PLCB1: variants seen among roughly 807,000 people sequenced by gnomAD.
PLCB1 encodes the protein phospholipase C beta 1, also known as 1-phosphatidylinositol 4,5-bisphosphate phosphodiesterase beta-1.
PLCB1 carries 46 observed loss-of-function variants against 161.8 expected under a neutral mutation model. That is an observed-to-expected ratio of 0.28 (90% CI 0.22 to 0.36). The LOEUF is 0.36. PLCB1 is among the 10% of genes least tolerant of loss of function. The pLI is 1.00. For synonymous variants in PLCB1, 517 were observed against 503.7 expected (o/e 1.03, Z -0.35); for missense variants, 1,016 against 1,472.5 (o/e 0.69, Z 5.07).
chr20:8,839,946 G>A (rs375181253), intron 31 of PLCB1, among the ~76,000 whole-genome samples: 13 of 151,584 alleles, frequency 8.6e-5, no homozygotes, highest in East Asian at 2.0e-4. Flanking sequence ...CAGGAGAATC[G>A]CTTGAACCCA....
chr20:8,592,614 C>T (rs1482604295), intron 3 of PLCB1, among the ~76,000 whole-genome samples: 1 of 152,064 alleles, frequency 6.6e-6, no homozygotes, highest in African/African-American at 2.4e-5. Flanking sequence ...TTGGAGAAGC[C>T]GAATAAACTG....
At chr20:8,453,290 A>G (rs2122654743) in intron 3 of PLCB1, among the ~76,000 whole-genome samples, 1 of 152,338 alleles carries the variant, frequency 6.6e-6, no homozygotes, top group Middle Eastern at 3.4e-3. Flanking sequence ...CAGCCACCTC[A>G]CAGAACTGTT....
intron 2 of PLCB1, among the ~76,000 whole-genome samples, chr20:8,156,062 C>T (rs1368781526): frequency 6.6e-6 from 1 of 152,288 alleles, no homozygotes; most frequent in Non-Finnish European, 1.5e-5. Context: ...GCCATACCCA[C>T]ACCCTCTTCC....
rs551094634 is a variant in PLCB1 at position 8,466,279 on chromosome 20, A to T, written c.246+94829A>T. Among the ~76,000 whole-genome samples the T allele has an allele frequency of 2.3e-4, 34 of 146,158 alleles. No homozygotes were observed. The Middle Eastern group carries it at 0.01, about 45-fold the overall frequency. On this transcript the variant is annotated intron_variant, in intron 3 of 31. Transcript: ENST00000338037. ...CATAGGTGGGAATTGAACAATGAGAACACATGGACACAGGAAGGGGAATAT... is the reference window on the plus strand; with the variant it reads ...CATAGGTGGGAATTGAACAATGAGATCACATGGACACAGGAAGGGGAATAT...
At chr20:8,725,834 C>A (rs1979904952) in intron 16 of PLCB1, among the ~76,000 whole-genome samples, 1 of 152,138 alleles carries the variant, frequency 6.6e-6, no homozygotes, top group Non-Finnish European at 1.5e-5. Context: ...AACCTGGAAA[C>A]AACAGCACCA....
In PLCB1 at chr20:8,398,696, G is replaced by T. The variant is rs542003380; in HGVS notation, c.246+27246G>T. On this transcript the variant is annotated intron_variant, in intron 3 of 31. Coordinates refer to ENST00000338037, the MANE Select transcript of PLCB1 (RefSeq NM_015192.4). ...CGCCCTATCACGTTGGGGTTTAAGCGTCCATATATGAATTTTGAAGGGAGA... is the reference window on the plus strand; with the variant it reads ...CGCCCTATCACGTTGGGGTTTAAGCTTCCATATATGAATTTTGAAGGGAGA... Among the ~76,000 whole-genome samples, 4 of 151,844 alleles carry T rather than the reference G, an allele frequency of 2.6e-5. No individual in the cohort carries two copies. In the East Asian group the frequency reaches 7.7e-4, roughly 29 times the overall value.
At chr20:8,208,829 G>A (rs947407207) in intron 2 of PLCB1, among the ~76,000 whole-genome samples, 1 of 152,068 alleles carries the variant, frequency 6.6e-6, no homozygotes, top group Non-Finnish European at 1.5e-5. Flanking sequence ...AGATAAAAGT[G>A]TGCAAAATAT....
chr20:8,245,045 A>C (rs748668455), intron 2 of PLCB1, among the ~76,000 whole-genome samples: 3 of 151,810 alleles, frequency 2.0e-5, no homozygotes, highest in Non-Finnish European at 4.4e-5. Context: ...AGATACATTG[A>C]AGAAGAAAAA....
At chr20:8,272,638 T>A (rs6133564) in intron 2 of PLCB1, among the ~76,000 whole-genome samples, 1 of 152,048 alleles carries the variant, frequency 6.6e-6, no homozygotes, top group Admixed American at 6.6e-5. Flanking sequence ...TCCAAACCAG[T>A]TTCCCAGGTT....
chr20:8,326,297 A>C (rs61170620), intron 2 of PLCB1, among the ~76,000 whole-genome samples: 6,759 of 152,166 alleles, frequency 0.044, 191 homozygotes, highest in Middle Eastern at 0.099. Flanking sequence ...ATGTGGTTTA[A>C]TTTTCTGTTG....
At chr20:8,270,820 AG>A in intron 2 of PLCB1, among the ~76,000 whole-genome samples, 1 of 152,092 alleles carries the variant, frequency 6.6e-6, no homozygotes, top group East Asian at 1.9e-4. Flanking sequence ...TTCTGTCAAT[AG>A]GGTTTGAAAT....
chr20:8,205,262 C>T (rs1247578612), intron 2 of PLCB1, among the ~76,000 whole-genome samples: 1 of 152,106 alleles, frequency 6.6e-6, no homozygotes, highest in African/African-American at 2.4e-5. Context: ...TGGCTTCTAA[C>T]TTTATTAGCA....
chr20:8,537,324 G>A (rs778531674), intron 3 of PLCB1, among the ~76,000 whole-genome samples: 1 of 152,088 alleles, frequency 6.6e-6, no homozygotes, highest in Non-Finnish European at 1.5e-5. Flanking sequence ...CTTTTCCGGT[G>A]GAATGCCCTC....
At chr20:8,203,094 C>T (rs567372513) in intron 2 of PLCB1, among the ~76,000 whole-genome samples, 13 of 132,914 alleles carry the variant, frequency 9.8e-5, no homozygotes, top group Non-Finnish European at 1.9e-4. Context: ...TGCACACACA[C>T]GCGCACACAC....
intron 31 of PLCB1, among the ~76,000 whole-genome samples, chr20:8,814,998 C>T (rs1360919255): frequency 6.6e-6 from 1 of 152,166 alleles, no homozygotes; most frequent in Non-Finnish European, 1.5e-5. Flanking sequence ...GCACAGCAAT[C>T]CACACTAACC....
chr20:8,496,610 C>T (rs564866394), intron 3 of PLCB1, among the ~76,000 whole-genome samples: 8 of 152,326 alleles, frequency 5.3e-5, no homozygotes, highest in Non-Finnish European at 1.2e-4. Context: ...ACAGGCCATA[C>T]TTTAAAGCCA....
chr20:8,768,675 G>T (rs898666620), intron 26 of PLCB1, among the ~76,000 whole-genome samples: 1 of 152,174 alleles, frequency 6.6e-6, no homozygotes, highest in Non-Finnish European at 1.5e-5. Context: ...ACCTGGCCAG[G>T]GGCACATGCA....
intron 27 of PLCB1, among the ~76,000 whole-genome samples, chr20:8,781,220 A>G (rs1372923431): frequency 6.6e-6 from 1 of 152,138 alleles, no homozygotes; most frequent in Non-Finnish European, 1.5e-5. Context: ...TGGACTTTAC[A>G]TAGGGTCATT....
At chr20:8,600,453 C>T (rs796935871) in intron 3 of PLCB1, among the ~76,000 whole-genome samples, 8 of 148,462 alleles carry the variant, frequency 5.4e-5, no homozygotes, top group East Asian at 2.0e-4. Context: ...GGCAGTCTGC[C>T]CGTTCTCAGA....
Sources: gnomAD v4.1 joint callset for allele counts (sites outside exome capture counted in the v4.1 genomes callset) on GRCh38, gnomAD v4.1.1 for gene constraint, MANE v1.5 for transcripts, NCBI Gene and HGNC (gene_info 2026-07-23, HGNC 2026-07-21) for gene names.